The following DGKB variants were observed in gnomAD, a reference collection of about 807,000 sequenced individuals.
The protein encoded by DGKB is 90 kDa diacylglycerol kinase.
DGKB carries 67 observed loss-of-function variants against 114.3 expected under a neutral mutation model. The ratio of observed to expected loss-of-function variants is 0.59; its 90% CI spans 0.48 to 0.72. The LOEUF is 0.72. Among genes scored for constraint, DGKB ranks in the 30% least tolerant of loss-of-function variants. The pLI, the probability that DGKB is intolerant of heterozygous loss-of-function variation, is 0.00. For missense variants in DGKB, 907 were observed against 975.2 expected (o/e 0.93, Z 0.93); for synonymous variants, 398 against 323.1 (o/e 1.23, Z -2.49).
At chr7:14,558,752 T>G (rs1466218397) in intron 20 of DGKB, among the ~76,000 whole-genome samples, 1 of 152,214 alleles carries the variant, frequency 6.6e-6, no homozygotes, top group Non-Finnish European at 1.5e-5. Flanking sequence ...TTATGGCTGT[T>G]GGAGACCAGA....
At chr7:14,234,756 G>C (rs574229487) in intron 23 of DGKB, among the ~76,000 whole-genome samples, 107 of 152,096 alleles carry the variant, frequency 7.0e-4, no homozygotes, top group Non-Finnish European at 1.3e-3. Context: ...AGGTGATGTA[G>C]GGGGAGTATT....
At chr7:14,354,580 T>C (rs1376166355) in intron 21 of DGKB, among the ~76,000 whole-genome samples, 2 of 152,156 alleles carry the variant, frequency 1.3e-5, no homozygotes, top group Non-Finnish European at 2.9e-5. Flanking sequence ...TAATATAAAT[T>C]GAGATCAAGT....
intron 21 of DGKB, among the ~76,000 whole-genome samples, chr7:14,432,558 G>T (rs578261626): frequency 6.6e-6 from 1 of 152,210 alleles, no homozygotes; most frequent in African/African-American, 2.4e-5. Flanking sequence ...AATAGTGACT[G>T]TCAGTTAGTC....
At chr7:14,554,554 G>A (rs907231473) in intron 20 of DGKB, among the ~76,000 whole-genome samples, 1 of 152,014 alleles carries the variant, frequency 6.6e-6, no homozygotes, top group African/African-American at 2.4e-5. Context: ...CAAAGGGTAT[G>A]CACATTTTTA....
At chr7:14,672,350 C>T (rs1585535203) in intron 13 of DGKB, among the ~76,000 whole-genome samples, 2 of 152,020 alleles carry the variant, frequency 1.3e-5, no homozygotes, top group African/African-American at 4.8e-5. Flanking sequence ...CTCTTCCTAC[C>T]AAGGTTCGTT....
intron 6 of DGKB, among the ~76,000 whole-genome samples, chr7:14,708,986 G>C (rs1451990667): frequency 6.7e-6 from 1 of 150,328 alleles, no homozygotes; most frequent in African/African-American, 2.5e-5. Context: ...AAACTAAAGA[G>C]CTTCTGCACA....
At chr7:14,658,685 A>C (rs1035420183) in intron 13 of DGKB, among the ~76,000 whole-genome samples, 30 of 151,988 alleles carry the variant, frequency 2.0e-4, no homozygotes, top group Admixed American at 1.8e-3. Flanking sequence ...CCCCATAAAC[A>C]TGTACAAATA....
intron 13 of DGKB, among the ~76,000 whole-genome samples, chr7:14,630,959 T>G (rs1195144349): frequency 6.6e-6 from 1 of 151,668 alleles, no homozygotes; most frequent in Non-Finnish European, 1.5e-5. Flanking sequence ...AAGCCTGCAT[T>G]CTATGGAAAT....
chr7:14,222,783 C>T (rs1025100181), intron 23 of DGKB, among the ~76,000 whole-genome samples: 5 of 151,438 alleles, frequency 3.3e-5, no homozygotes, highest in Non-Finnish European at 5.9e-5. Context: ...ACTGAATTGT[C>T]TATTTCTCCT....
chr7:14,882,793 G>T (rs540182169), intron 1 of DGKB, among the ~76,000 whole-genome samples: 3 of 151,932 alleles, frequency 2.0e-5, no homozygotes, highest in African/African-American at 4.8e-5. Flanking sequence ...TGGCTGAATG[G>T]TACTACATTG....
rs571452476 is a variant in DGKB at position 14,567,062 on chromosome 7, A to T, written c.1770+7150T>A. 2.5e-3 allele frequency among the ~76,000 whole-genome samples: 315 copies of T among 126,766 alleles called. 2 individuals carry two copies. Among genetic ancestry groups the T allele is most frequent in the Non-Finnish European group, 2.9e-3 (184 of 63,716 alleles). The allele number at this position is 126,766 out of a possible 152,430, so 83.2% of individuals were successfully genotyped here. On this transcript the variant is annotated intron_variant, in intron 20 of 25. Transcript: ENST00000402815. Reference sequence around the variant, plus strand: ...AACTCCAAGTTCTAATAATGAGATGACCTGTATATATATATATAAAAAATT... The same window carrying T: ...AACTCCAAGTTCTAATAATGAGATGTCCTGTATATATATATATAAAAAATT...
chr7:14,844,518 C>CA (rs926244339), intron 1 of DGKB, among the ~76,000 whole-genome samples: 2 of 152,074 alleles, frequency 1.3e-5, no homozygotes, highest in Non-Finnish European at 2.9e-5. Flanking sequence ...AAAAGGACTA[C>CA]AAAAAAACCC....
At chr7:14,761,559 G>T (rs1471273993) in intron 2 of DGKB, among the ~76,000 whole-genome samples, 1 of 152,186 alleles carries the variant, frequency 6.6e-6, no homozygotes, top group Non-Finnish European at 1.5e-5. Context: ...GAGGGGAAAG[G>T]ATCTATAACT....
At chr7:14,919,062 G>GCGCGCACA (rs1213217913) in intron 1 of DGKB, among the ~76,000 whole-genome samples, 60 of 118,144 alleles carry the variant, frequency 5.1e-4, no homozygotes, top group Non-Finnish European at 6.1e-4. Context: ...TCCACCACAC[G>GCGCGCACA]CACACACACA....
intron 23 of DGKB, among the ~76,000 whole-genome samples, chr7:14,291,704 AG>A (rs1801798433): frequency 1.3e-5 from 2 of 152,320 alleles, no homozygotes; most frequent in African/African-American, 4.8e-5. Context: ...TTTTATTCTC[AG>A]AAAATTTTTA....
At chr7:14,523,537 C>T (rs1344037329) in intron 20 of DGKB, among the ~76,000 whole-genome samples, 7 of 152,024 alleles carry the variant, frequency 4.6e-5, no homozygotes, top group African/African-American at 9.7e-5. Flanking sequence ...GATATTTGTG[C>T]TAAAATTATA....
chr7:14,819,517 G>C (rs1425084716), intron 2 of DGKB, among the ~76,000 whole-genome samples: 1 of 152,132 alleles, frequency 6.6e-6, no homozygotes, highest in Non-Finnish European at 1.5e-5. Context: ...TTGAGCCTGG[G>C]AGGCGGAGGT....
intron 25 of DGKB, among the ~76,000 whole-genome samples, chr7:14,168,627 A>C (rs976053810): frequency 1.3e-5 from 2 of 152,268 alleles, no homozygotes; most frequent in Non-Finnish European, 2.9e-5. Flanking sequence ...TTCTTATCAG[A>C]AATTGCACTA....
chr7:14,792,544 A>G (rs996281213), intron 2 of DGKB, among the ~76,000 whole-genome samples: 3 of 152,142 alleles, frequency 2.0e-5, no homozygotes, highest in African/African-American at 7.2e-5. Context: ...CTTTCTGTAA[A>G]TGACAACCCT....
Sources: allele counts gnomAD v4.1 joint callset (sites outside exome capture counted in the v4.1 genomes callset), GRCh38; gene constraint gnomAD v4.1.1; transcripts MANE v1.5; gene names NCBI Gene and HGNC (gene_info 2026-07-23, HGNC 2026-07-21).